Variants in SMARCC2 observed in about 807,000 individuals in gnomAD.
SMARCC2 encodes SWI/SNF related BAF chromatin remodeling complex subunit C2.
Under a neutral mutation model 151.3 loss-of-function variants are expected in SMARCC2, and 15 were observed. The ratio of observed to expected loss-of-function variants is 0.10; its 90% CI spans 0.07 to 0.15. The LOEUF (loss-of-function observed/expected upper bound fraction) is 0.15, where lower values mean the gene tolerates loss of function less well. SMARCC2 is among the 10% of genes least tolerant of loss of function. The probability of loss-of-function intolerance (pLI) is 1.00; values close to 1 mark genes in which losing one functional copy is unlikely to be tolerated. For synonymous variants in SMARCC2, 590 were observed against 609.5 expected (o/e 0.97, Z 0.47); for missense variants, 1,031 against 1,599.7 (o/e 0.64, Z 6.06).
chr12:56,168,524 G>A (rs1164405769), intron 25 of SMARCC2, among the ~76,000 whole-genome samples: 3 of 151,856 alleles, frequency 2.0e-5, no homozygotes, highest in Non-Finnish European at 2.9e-5. Flanking sequence ...ACAGACATGC[G>A]CCACCACGCC....
intron 26 of SMARCC2, among the ~76,000 whole-genome samples, 171 bp downstream of exon 26, chr12:56,167,889 A>AACACACAC (rs57344405): frequency 3.3e-4 from 44 of 132,628 alleles, no homozygotes; most frequent in African/African-American, 1.1e-3. Flanking sequence ...CTTTCACTGA[A>AACACACAC]ACACACACAC....
In SMARCC2 at chr12:56,173,863, G is replaced by A. The variant is rs1267598477; in HGVS notation, c.1497-14C>T. 2 of 1,607,742 alleles carry A rather than the reference G, an allele frequency of 1.2e-6. No individual in the cohort carries two copies. The highest frequency in any genetic ancestry group is 1.1e-5 in the South Asian group (1 of 90,346). On this transcript the variant is annotated splice_polypyrimidine_tract_variant and intron_variant, in intron 16 of 28. Coordinates refer to ENST00000550164, the MANE Select transcript of SMARCC2 (RefSeq NM_001330288.2). Reference sequence around the variant, plus strand: ...AAGGCATGGACCCTGTGCAGAGAGAGGCAGAGACAGGGTCACACGGATAGC... The same window carrying A: ...AAGGCATGGACCCTGTGCAGAGAGAAGCAGAGACAGGGTCACACGGATAGC...
intron 26 of SMARCC2, among the ~76,000 whole-genome samples, chr12:56,167,102 G>A (rs1009645251): frequency 2.8e-5 from 4 of 144,850 alleles, no homozygotes; most frequent in African/African-American, 5.1e-5. Context: ...CCTGTAATCC[G>A]GCACTTTGGG....
At chr12:56,172,843 G>GT in intron 18 of SMARCC2, 94 bp downstream of exon 18, 1 of 1,560,654 alleles carries the variant, frequency 6.4e-7, no homozygotes, top group Admixed American at 1.7e-5. Flanking sequence ...CCTTACTGCT[G>GT]TAGTTCCTCT....
At chr12:56,169,462 C>T in intron 25 of SMARCC2, 67 bp downstream of exon 25, 4 of 1,547,476 alleles carry the variant, frequency 2.6e-6, no homozygotes, top group Non-Finnish European at 3.5e-6. Context: ...GAAAGATTTC[C>T]TCTAAGTGAG....
intron 26 of SMARCC2, among the ~76,000 whole-genome samples, 171 bp downstream of exon 26, chr12:56,167,889 A>G (rs933585650): frequency 1.5e-5 from 2 of 132,566 alleles, no homozygotes; most frequent in East Asian, 4.4e-4. Flanking sequence ...CTTTCACTGA[A>G]ACACACACAC....
At chr12:56,179,507 T>C (rs1020181475) in intron 11 of SMARCC2, among the ~76,000 whole-genome samples, 2 of 152,182 alleles carry the variant, frequency 1.3e-5, no homozygotes, top group African/African-American at 4.8e-5. Context: ...AGAACTCTTC[T>C]TGGTGGCAGC....
chr12:56,178,328 G>T, intron 14 of SMARCC2, 76 bp downstream of exon 14: 1 of 1,524,200 alleles, frequency 6.6e-7, no homozygotes, highest in Non-Finnish European at 9.1e-7. Context: ...TTTGGAGGAG[G>T]CAGGGAGAAG....
In SMARCC2 at chr12:56,171,583, A is replaced by C. The variant is rs1873965036; in HGVS notation, c.2185+96T>G. 2 of 1,490,528 alleles carry C rather than the reference A, an allele frequency of 1.3e-6. No homozygotes were observed. Among genetic ancestry groups the C allele is most frequent in the South Asian group, 2.6e-5 (2 of 76,018 alleles). 92.3% of individuals were successfully genotyped at this position (1,490,528 alleles called of 1,614,324 possible). A position where few individuals can be genotyped will look rare whatever the true frequency, so the allele number is the denominator to read the frequency against. Reference sequence around the variant, plus strand: ...AGCTGAGGCCCGCACAGACAAGGCCAGCAGGGCAGCCAAACTTGAGAGGAT... The same window carrying C: ...AGCTGAGGCCCGCACAGACAAGGCCCGCAGGGCAGCCAAACTTGAGAGGAT... On this transcript the variant is annotated intron_variant, in intron 21 of 28. Coordinates refer to ENST00000550164, the MANE Select transcript of SMARCC2 (RefSeq NM_001330288.2). This position sits in a 1 kb window ranked among gnomAD's most constrained non-coding sequence, Gnocchi z 4.2.
intron 11 of SMARCC2, among the ~76,000 whole-genome samples, chr12:56,180,123 A>G (rs772242795): frequency 7.0e-6 from 1 of 141,916 alleles, no homozygotes; most frequent in Non-Finnish European, 1.6e-5. Context: ...CTTTTTTTTT[A>G]TTTGAGATGG....
intron 5 of SMARCC2, 85 bp from the exon 6 acceptor site, chr12:56,184,329 A>G (rs1876828442): frequency 1.0e-6 from 1 of 952,734 alleles, no homozygotes; most frequent in East Asian, 2.6e-5. Flanking sequence ...TCCTAACCAT[A>G]TTTTGCTTAT....
chr12:56,176,015 C>T (rs1357720397), intron 15 of SMARCC2, among the ~76,000 whole-genome samples: 3 of 152,100 alleles, frequency 2.0e-5, no homozygotes, highest in Non-Finnish European at 4.4e-5. Flanking sequence ...CGTGCCTCCA[C>T]ACCCAGCTAA....
Position 56,169,681 on chromosome 12 carries a change from CCTT to C in SMARCC2, c.2560_2562del (p.Lys854del), listed in dbSNP as rs1259042870. ...TCCTGCCCTTCCTTTGGCTCCTTCTCCTTCTCAGGATCGACTGGGCCAGGACAA... is the reference window on the plus strand; with the variant it reads ...TCCTGCCCTTCCTTTGGCTCCTTCTCCTCAGGATCGACTGGGCCAGGACAA... On this transcript the variant is annotated inframe_deletion, in exon 25 of 29. Coordinates refer to ENST00000550164, the MANE Select transcript of SMARCC2 (RefSeq NM_001330288.2). 1 of 1,614,164 alleles carries C rather than the reference CCTT, an allele frequency of 6.2e-7. No homozygotes were observed. The highest frequency in any genetic ancestry group is 1.7e-5 in the Admixed American group (1 of 60,022).
At chr12:56,165,292 CA>C (rs1404866020) in intron 27 of SMARCC2, 25 bp downstream of exon 27, 1 of 1,468,596 alleles carries the variant, frequency 6.8e-7, no homozygotes, top group Admixed American at 2.6e-5. Context: ...CTCTAGCCAA[CA>C]AAAGTTCTGG....
intron 11 of SMARCC2, among the ~76,000 whole-genome samples, chr12:56,179,443 C>G (rs1206948442): frequency 2.0e-5 from 3 of 152,028 alleles, no homozygotes; most frequent in Admixed American, 2.0e-4. Flanking sequence ...TATACATATG[C>G]TCAGGAGCAA....
At chr12:56,184,326 C>T in intron 5 of SMARCC2, 82 bp from the exon 6 acceptor site, 1 of 990,446 alleles carries the variant, frequency 1.0e-6, no homozygotes, top group African/African-American at 1.6e-5. Flanking sequence ...CCTTCCTAAC[C>T]ATATTTTGCT....
rs779174396 is a variant in SMARCC2, at chr12:56,164,425, G to A, written c.3539C>T (p.Ala1180Val). 6.8e-6 allele frequency: 11 copies of A among 1,614,056 alleles called. No homozygotes were observed. Among genetic ancestry groups the A allele is most frequent in the Admixed American group, 3.3e-5 (2 of 60,028 alleles). Residue 1180 changes from alanine (A) to valine (V), a missense_variant, in exon 28 of 29, where the codon GCG becomes GTG. Physicochemically the swap from Ala to Val is moderately conservative, Grantham distance 64. Transcript: ENST00000550164. ...CAAGGAAGATGGCATGGTGGTGGTC[G>A]CCGGCAGGTTAGGATGTAGAGGGTT... ...MANPLHPNLP[A>V]TTTMPSSLPL...
intron 2 of SMARCC2, chr12:56,186,699 A>C (rs1877334830): frequency 5.3e-6 from 1 of 188,562 alleles, no homozygotes; most frequent in South Asian, 9.4e-5. Flanking sequence ...TGTGGCCTGG[A>C]AGAGGGGAGT....
At chr12:56,174,264 C>G (rs1348646955) in intron 16 of SMARCC2, among the ~76,000 whole-genome samples, 2 of 152,148 alleles carry the variant, frequency 1.3e-5, no homozygotes, top group Non-Finnish European at 2.9e-5. Flanking sequence ...CACGTGCCAC[C>G]ATGCCTAGCT....
Sources: allele counts gnomAD v4.1 joint callset (sites outside exome capture counted in the v4.1 genomes callset), GRCh38; gene constraint gnomAD v4.1.1; non-coding constraint Gnocchi (gnomAD v3.1); transcripts MANE v1.5; gene names NCBI Gene and HGNC (gene_info 2026-07-23, HGNC 2026-07-21).